DNAH10: variants seen among roughly 807,000 people sequenced by gnomAD.
DNAH10 encodes the protein dynein axonemal heavy chain 10.
Under a neutral mutation model 506.6 loss-of-function variants are expected in DNAH10, and 348 were observed. That is an observed-to-expected ratio of 0.69 (90% CI 0.63 to 0.75). DNAH10 has a LOEUF of 0.75. Ranked by LOEUF, DNAH10 falls within the 30% of genes least tolerant of loss-of-function variation. The pLI, the probability that DNAH10 is intolerant of heterozygous loss-of-function variation, is 0.00. For synonymous variants in DNAH10, 2,059 were observed against 2,198.6 expected (o/e 0.94, Z 1.78); for missense variants, 5,179 against 5,787.1 (o/e 0.89, Z 3.41).
chr12:123,792,947 TGA>T (rs1356295222), intron 11 of DNAH10, among the ~76,000 whole-genome samples: 1 of 152,224 alleles, frequency 6.6e-6, no homozygotes, highest in African/African-American at 2.4e-5. Flanking sequence ...ATATATTTTG[TGA>T]GTCTTATATG....
intron 21 of DNAH10, among the ~76,000 whole-genome samples, chr12:123,816,673 T>G (rs2136384732): frequency 6.6e-6 from 1 of 152,360 alleles, no homozygotes; most frequent in Non-Finnish European, 1.5e-5. Flanking sequence ...GAGACGTGTG[T>G]GGGGGAACCC....
chr12:123,788,279 T>C (rs1260758451), intron 10 of DNAH10, among the ~76,000 whole-genome samples: 1 of 152,232 alleles, frequency 6.6e-6, no homozygotes, highest in Non-Finnish European at 1.5e-5. Flanking sequence ...TCTGTGTCTT[T>C]TGCAAAGCTC....
rs762122193 is a variant in DNAH10, at chr12:123,887,119, T to C, written c.8824-23T>C. On this transcript the variant is annotated intron_variant, in intron 51 of 78. Transcript: ENST00000673944. ...GGGAGGCTGGTGGTGGTGACGCCCA[T>C]GTGCTCTGTGTCTGCATCGCAGGTG... 1.2e-5 allele frequency: 19 copies of C among 1,585,164 alleles called. No homozygotes were observed. In the Admixed American group the frequency reaches 2.1e-4, roughly 18 times the overall value.
intron 25 of DNAH10, among the ~76,000 whole-genome samples, chr12:123,827,667 C>T (rs1431061682): frequency 6.6e-6 from 1 of 152,174 alleles, no homozygotes; most frequent in Admixed American, 6.5e-5. Context: ...CTAGTCATGC[C>T]ATGACATCAA....
At chr12:123,893,566 G>T (rs762318736) in intron 53 of DNAH10, 130 bp downstream of exon 53, 16 of 1,021,362 alleles carry the variant, frequency 1.6e-5, no homozygotes, top group Non-Finnish European at 2.3e-5. Context: ...GGAAATGTGG[G>T]CTCTGCACTG....
Position 123,784,003 on chromosome 12 carries a change from T to C in DNAH10, c.1056T>C (p.Ser352=), listed in dbSNP as rs1351450445. The C allele has an allele frequency of 2.5e-6, 4 of 1,614,110 alleles. No homozygotes were observed. Among genetic ancestry groups the C allele is most frequent in the South Asian group, 2.2e-5 (2 of 91,092 alleles). ...GGAGGGAAAGAAATGCAACCTTAAG[T>C]GCGCTGCATGAACAAACAAAGCTTC... The part of the protein sequence containing the change: ...EFWRERNATL[S]ALHEQTKLPI... Residue 352 remains serine (S), a synonymous_variant, in exon 8 of 79, where the codon AGT becomes AGC. Transcript: ENST00000673944.
chr12:123,901,180 C>T (rs1237910183), intron 56 of DNAH10, among the ~76,000 whole-genome samples: 2 of 152,230 alleles, frequency 1.3e-5, no homozygotes, highest in Non-Finnish European at 2.9e-5. Flanking sequence ...TTGCAGGCTG[C>T]TCCCCACACT....
intron 19 of DNAH10, among the ~76,000 whole-genome samples, chr12:123,811,304 T>G (rs1422214980): frequency 1.3e-5 from 2 of 151,916 alleles, no homozygotes; most frequent in Non-Finnish European, 2.9e-5. Flanking sequence ...TGAATAAATG[T>G]TAGCTATTAG....
At position 123,785,590 on chromosome 12, in the gene DNAH10, G is replaced by C. The variant is rs890561720; in HGVS notation, c.1231-156G>C. 2.7e-5 allele frequency among the ~76,000 whole-genome samples: 4 copies of C among 146,806 alleles called. No homozygotes were observed. The highest frequency in any genetic ancestry group is 7.0e-5 in the Admixed American group (1 of 14,388). ...GGGAGTCGAGGCTGCAGTAAGCCAT[G>C]TTTGTGCCATTGCACTCCAGCCTGG... On this transcript the variant is annotated intron_variant, in intron 8 of 78. Coordinates refer to ENST00000673944, the MANE Select transcript of DNAH10 (RefSeq NM_001372106.1). The surrounding 1 kb of genome is among the most constrained non-coding windows in gnomAD (Gnocchi z 4.1).
rs1674890649 is a variant in DNAH10, at chr12:123,902,883, CG to C, written c.9641-55del. The C allele has an allele frequency of 2.6e-6, 4 of 1,517,798 alleles. No homozygotes were observed. Among genetic ancestry groups the C allele is most frequent in the Admixed American group, 4.2e-5 (2 of 47,592 alleles). 94.0% of individuals were successfully genotyped at this position (1,517,798 alleles called of 1,614,324 possible). On this transcript the variant is annotated intron_variant, in intron 56 of 78. Transcript: ENST00000673944. This position sits in a 1 kb window ranked among gnomAD's most constrained non-coding sequence, Gnocchi z 4.5. The stretch of plus-strand genomic sequence containing the variant: ...ACTGCACTCTGCTCAGAGCCGGGGC[CG>C]CGAGTGCATCTCCTCTGAGCCCAAG...
chr12:123,897,729 A>G, intron 54 of DNAH10, 41 bp from the exon 55 acceptor site: 3 of 1,587,482 alleles, frequency 1.9e-6, no homozygotes, highest in Non-Finnish European at 2.6e-6. Flanking sequence ...TGTGTCGAAA[A>G]AGAAAAAGAA....
chr12:123,788,065 G>GC, intron 10 of DNAH10, 63 bp downstream of exon 10: 4 of 1,534,588 alleles, frequency 2.6e-6, no homozygotes, highest in Non-Finnish European at 3.5e-6. Flanking sequence ...TTTGACAGTG[G>GC]CCCCCTCCGT....
chr12:123,811,258 A>G (rs923893395), intron 19 of DNAH10, among the ~76,000 whole-genome samples: 2 of 152,176 alleles, frequency 1.3e-5, no homozygotes, highest in Admixed American at 6.5e-5. Context: ...TAACACGTGT[A>G]TACAGCTTAG....
chr12:123,813,541 C>CTT lies in DNAH10; in HGVS notation c.3522_3523insTT (p.Thr1175LeufsTer11). ...GACTTCAGCTCAGGCATCTGGCAAACACAGTGCAGGAAAATGCCAAGTCCT... is the reference window on the plus strand; with the variant it reads ...GACTTCAGCTCAGGCATCTGGCAAACTTACAGTGCAGGAAAATGCCAAGTCCT... On this transcript the variant is annotated frameshift_variant, in exon 20 of 79. Transcript: ENST00000673944. LOFTEE classifies it high-confidence loss of function. The CTT allele has an allele frequency of 6.2e-7, 1 of 1,614,178 alleles. No individual in the cohort carries two copies. Among genetic ancestry groups the CTT allele is most frequent in the Non-Finnish European group, 8.5e-7 (1 of 1,180,026 alleles).
rs1953650503 is a variant in DNAH10, at chr12:123,903,901, G to C, written c.9815+788G>C. Among the ~76,000 whole-genome samples the C allele has an allele frequency of 6.6e-6, 1 of 152,180 alleles. No homozygotes were observed. The highest frequency in any genetic ancestry group is 2.4e-5 in the African/African-American group (1 of 41,452). On this transcript the variant is annotated intron_variant, in intron 57 of 78. Transcript: ENST00000673944. This position sits in a 1 kb window ranked among gnomAD's most constrained non-coding sequence, Gnocchi z 4.6. ...CTTCCCCACTCTTCATCCAGAAGGA[G>C]ATCAGTCTTCCTGGCCCCACACACG... is the stretch of plus-strand genomic sequence containing the variant.
At position 123,873,643 on chromosome 12, in the gene DNAH10, A is replaced by C; in HGVS notation, c.7871A>C (p.Lys2624Thr). 3 of 1,613,874 alleles carry C rather than the reference A, an allele frequency of 1.9e-6. No homozygotes were observed. The highest frequency in any genetic ancestry group is 2.5e-6 in the Non-Finnish European group (3 of 1,179,844). Residue 2624 changes from lysine (K) to threonine (T), a missense_variant, in exon 46 of 79, where the codon AAA (lysine) becomes ACA (threonine). Physicochemically the swap from Lys to Thr is moderately conservative, Grantham distance 78. This residue lies in a region of DNAH10 where 4,844 missense variants were observed against 5,430.5 expected (regional missense o/e 0.89). Transcript: ENST00000673944. ...GAAGCAAATGTGGAAAAGCGAACCA[A>C]AGATACTTACGGCCCACCCATGGGA... is the stretch of plus-strand genomic sequence containing the variant. ...NLEANVEKRTKDTYGPPMGKR... is the reference protein window; with the variant it reads ...NLEANVEKRTTDTYGPPMGKR...
rs1247741511 is a variant in DNAH10, at chr12:123,785,876, G to A, written c.1361G>A (p.Arg454His). Residue 454 changes from arginine to histidine, a missense_variant, in exon 9 of 79, where the codon CGC (arginine) becomes CAC (histidine). Arg to His is a conservative substitution (Grantham distance 29, BLOSUM62 0). Coordinates refer to ENST00000673944, the MANE Select transcript of DNAH10 (RefSeq NM_001372106.1). The surrounding 1 kb of genome is among the most constrained non-coding windows in gnomAD (Gnocchi z 4.1). ...KDERMIPLME[R>H]IAWEIAERVC... is the part of the protein sequence containing the mutation. ...GAGAGGATGATTCCGCTCATGGAGC[G>A]CATCGCCTGGGAAATCGCTGAGAGA... The A allele has an allele frequency of 2.5e-6, 4 of 1,614,016 alleles. No homozygotes were observed. The highest frequency in any genetic ancestry group is 4.5e-5 in the East Asian group (2 of 44,900).
At chr12:123,845,284 T>C (rs1057297255) in intron 30 of DNAH10, among the ~76,000 whole-genome samples, 3 of 152,176 alleles carry the variant, frequency 2.0e-5, no homozygotes, top group Non-Finnish European at 4.4e-5. Flanking sequence ...AGGCGTGAGC[T>C]ACCACGACTG....
In DNAH10 at chr12:123,929,394, G is replaced by A. The variant is rs1955099552; in HGVS notation, c.12426G>A (p.Leu4142=). ...HPAFKPLVYV[L]AFFHAVVQER... ...CCTTCAAGCCGCTGGTCTACGTGCT[G>A]GCGTTCTTTCATGCTGTGGTGCAGG... The change falls in exon 71 of 79, where the codon CTG becomes CTA. Residue 4142 remains leucine (L), a synonymous_variant. Transcript: ENST00000673944. The A allele has an allele frequency of 6.2e-7, 1 of 1,613,352 alleles. No homozygotes were observed. The highest frequency in any genetic ancestry group is 8.5e-7 in the Non-Finnish European group (1 of 1,179,750).
Sources: gnomAD v4.1 joint callset for allele counts (sites outside exome capture counted in the v4.1 genomes callset) on GRCh38, gnomAD v4.1.1 for gene constraint, gnomAD v4.1.1 regional missense constraint, Gnocchi (gnomAD v3.1) non-coding constraint, MANE v1.5 for transcripts, NCBI Gene and HGNC (gene_info 2026-07-23, HGNC 2026-07-21) for gene names.